Variants in NT5DC1 observed in about 807,000 individuals in gnomAD.
NT5DC1 encodes 5'-nucleotidase domain containing 1.
In NT5DC1, 42 loss-of-function variants were observed where a neutral mutation model predicts 59.4. The ratio of observed to expected loss-of-function variants is 0.71; its 90% CI spans 0.55 to 0.92. The LOEUF (loss-of-function observed/expected upper bound fraction) is 0.92. Ranked by LOEUF, NT5DC1 falls within the 40% of genes least tolerant of loss-of-function variation. The pLI is 0.00. For synonymous variants in NT5DC1, 172 were observed against 188.1 expected (o/e 0.91, Z 0.70); for missense variants, 501 against 537.1 (o/e 0.93, Z 0.66).
intron 6 of NT5DC1, among the ~76,000 whole-genome samples, chr6:116,139,439 CT>C (rs1281980577): frequency 2.0e-5 from 3 of 152,032 alleles, no homozygotes; most frequent in Non-Finnish European, 4.4e-5. Context: ...TATTTGTATA[CT>C]TTTTTTAACT....
intron 6 of NT5DC1, chr6:116,145,385 G>A: frequency 3.1e-6 from 1 of 323,968 alleles, no homozygotes; most frequent in Non-Finnish European, 7.0e-6. Flanking sequence ...ATGGTAAGAA[G>A]AAATGCTGAT....
At chr6:116,121,228 A>G (rs1245643162) in intron 6 of NT5DC1, 4 of 1,613,412 alleles carry the variant, frequency 2.5e-6, no homozygotes, top group Non-Finnish European at 2.5e-6. Context: ...TCCCAAAGCC[A>G]GGAGGCCCTG....
chr6:116,120,149 T>C (rs866412968), intron 6 of NT5DC1: 2 of 1,614,080 alleles, frequency 1.2e-6, no homozygotes, highest in Middle Eastern at 1.6e-4. Flanking sequence ...TGACTCGGCA[T>C]TGGGAAGCTG....
At chr6:116,181,638 A>T (rs1479043803) in intron 6 of NT5DC1, among the ~76,000 whole-genome samples, 1 of 152,094 alleles carries the variant, frequency 6.6e-6, no homozygotes, top group East Asian at 1.9e-4. Context: ...GTATATCCAG[A>T]TCCCAACACA....
chr6:116,229,758 T>C (rs1278149517), intron 8 of NT5DC1, among the ~76,000 whole-genome samples: 3 of 152,144 alleles, frequency 2.0e-5, no homozygotes, highest in Non-Finnish European at 4.4e-5. Flanking sequence ...CTGCCCACCA[T>C]TGGGAGAATC....
intron 11 of NT5DC1, among the ~76,000 whole-genome samples, chr6:116,240,241 T>C (rs1427269090): frequency 2.0e-5 from 3 of 152,350 alleles, no homozygotes; most frequent in South Asian, 2.1e-4. Flanking sequence ...TTCTGTATTC[T>C]TGGGTTTCAC....
At chr6:116,228,521 A>G (rs1781950664) in intron 8 of NT5DC1, among the ~76,000 whole-genome samples, 2 of 152,084 alleles carry the variant, frequency 1.3e-5, no homozygotes, top group East Asian at 3.9e-4. Flanking sequence ...AAAAAAAAAG[A>G]AGAAAAGTTT....
At chr6:116,114,541 G>GT (rs1778931046) in intron 4 of NT5DC1, among the ~76,000 whole-genome samples, 1 of 138,162 alleles carries the variant, frequency 7.2e-6, no homozygotes, top group African/African-American at 2.7e-5. Flanking sequence ...GGGGGAGGGG[G>GT]GGGGAGTCAA....
rs200127897 is a variant in NT5DC1, at chr6:116,183,646, AT to A, written c.530-37398del. ...ATACTCCTAAGTATTTTATTTTATT[AT>A]TTTTTTTTTGCAGCTTTTATAAAAG... On this transcript the variant is annotated intron_variant, in intron 6 of 11. Transcript: ENST00000319550. Among the ~76,000 whole-genome samples the A allele has an allele frequency of 4.5e-3, 661 of 146,666 alleles. 7 individuals carry two copies. The highest frequency in any genetic ancestry group is 0.012 in the African/African-American group (475 of 40,122).
At chr6:116,209,814 A>G (rs1781536948) in intron 6 of NT5DC1, among the ~76,000 whole-genome samples, 1 of 152,042 alleles carries the variant, frequency 6.6e-6, no homozygotes, top group Non-Finnish European at 1.5e-5. Flanking sequence ...TTTTATAATT[A>G]TTATCCAATA....
chr6:116,136,041 T>C (rs1440892219), intron 6 of NT5DC1, among the ~76,000 whole-genome samples: 2 of 151,950 alleles, frequency 1.3e-5, no homozygotes, highest in Non-Finnish European at 2.9e-5. Flanking sequence ...ATGAACTTAT[T>C]CATCCTACGT....
rs78499622 is a variant in NT5DC1, at chr6:116,186,043, G to A, written c.530-35011G>A. Among the ~76,000 whole-genome samples the A allele has an allele frequency of 5.7e-3, 865 of 152,008 alleles. 16 individuals carry two copies. The highest frequency in any genetic ancestry group is 0.046 in the South Asian group (223 of 4,828). ...TTCAAGATTTAGAGCTTCTTATAGT[G>A]GTTCTTGTAGTTCTCTTTTGGTAAT... On this transcript the variant is annotated intron_variant, in intron 6 of 11. Transcript: ENST00000319550.
chr6:116,237,364 G>C, intron 9 of NT5DC1: 2 of 558,570 alleles, frequency 3.6e-6, no homozygotes, highest in Non-Finnish European at 6.8e-6. Flanking sequence ...TTATGCTACA[G>C]ACTAGCTTAA....
Position 116,117,965 on chromosome 6 carries a change from G to A in NT5DC1, c.529+20G>A, listed in dbSNP as rs558921299. The A allele has an allele frequency of 3.4e-5, 40 of 1,178,640 alleles. No homozygotes were observed. In the South Asian group the frequency reaches 4.0e-4, roughly 12 times the overall value. 73.0% of individuals were successfully genotyped at this position (1,178,640 alleles called of 1,614,324 possible). ...TTAAGGGTAAGTATTGTGAAGAGGG[G>A]CCTTCTAATACGTGTTTGTTAAGCT... is the stretch of plus-strand genomic sequence containing the variant. On this transcript the variant is annotated intron_variant, in intron 6 of 11. Transcript: ENST00000319550.
At position 116,101,046 on chromosome 6, in the gene NT5DC1, C is replaced by T. The variant is rs1369267109; in HGVS notation, c.93+23C>T. 9 of 1,517,734 alleles carry T rather than the reference C, an allele frequency of 5.9e-6. No homozygotes were observed. In the African/African-American group the frequency reaches 8.5e-5, roughly 14 times the overall value. 94.0% of individuals were successfully genotyped at this position (1,517,734 alleles called of 1,614,324 possible). A position where few individuals can be genotyped will look rare whatever the true frequency, so the allele number is the denominator to read the frequency against. Reference sequence around the variant, plus strand: ...CCGGTGAGTGGCGCGGGCTCCGGGGCGCACTGCGCGCAACCTCCATGGCGG... The same window carrying T: ...CCGGTGAGTGGCGCGGGCTCCGGGGTGCACTGCGCGCAACCTCCATGGCGG... On this transcript the variant is annotated intron_variant, in intron 1 of 11. Transcript: ENST00000319550.
chr6:116,131,764 C>A (rs1034706398), intron 6 of NT5DC1, among the ~76,000 whole-genome samples: 1 of 152,090 alleles, frequency 6.6e-6, no homozygotes, highest in African/African-American at 2.4e-5. Context: ...CAGTTTATTT[C>A]ATCACCCAGG....
intron 6 of NT5DC1, among the ~76,000 whole-genome samples, chr6:116,201,948 G>A (rs1781358053): frequency 6.6e-6 from 1 of 151,998 alleles, no homozygotes; most frequent in Non-Finnish European, 1.5e-5. Flanking sequence ...TTTAGGAACT[G>A]TGAAATAAAG....
chr6:116,133,176 A>G (rs547166716), intron 6 of NT5DC1, among the ~76,000 whole-genome samples: 2 of 152,292 alleles, frequency 1.3e-5, no homozygotes, highest in African/African-American at 2.4e-5. Flanking sequence ...CCTGCTTTCC[A>G]TAGTAACCCA....
At position 116,120,240 on chromosome 6, in the gene NT5DC1, C is replaced by T. The variant is rs769437062; in HGVS notation, c.529+2295C>T. On this transcript the variant is annotated intron_variant, in intron 6 of 11. Transcript: ENST00000319550. The stretch of plus-strand genomic sequence containing the variant: ...TCCAGGTAGCCTTTGGTGTATTCAT[C>T]ATAGGTGTACATTACAGGGGTGCCA... 7.4e-6 allele frequency: 12 copies of T among 1,614,192 alleles called. No individual in the cohort carries two copies. The highest frequency in any genetic ancestry group is 9.3e-6 in the Non-Finnish European group (11 of 1,180,032).
Sources: allele counts gnomAD v4.1 joint callset (sites outside exome capture counted in the v4.1 genomes callset), GRCh38; gene constraint gnomAD v4.1.1; transcripts MANE v1.5; gene names NCBI Gene and HGNC (gene_info 2026-07-23, HGNC 2026-07-21).